The following IL4I1 variants were observed in gnomAD, a reference collection of about 807,000 sequenced individuals.
IL4I1 encodes the protein interleukin 4 induced 1.
IL4I1 carries 24 observed loss-of-function variants against 29.7 expected under a neutral mutation model. The ratio of observed to expected loss-of-function variants is 0.81; its 90% CI spans 0.59 to 1.14. The LOEUF is 1.14. Ranked by LOEUF, IL4I1 falls within the 50% of genes most tolerant of loss-of-function variation. The pLI, the probability that IL4I1 is intolerant of heterozygous loss-of-function variation, is 0.00. For synonymous variants in IL4I1, 371 were observed against 352.5 expected (o/e 1.05, Z -0.59); for missense variants, 686 against 785.6 (o/e 0.87, Z 1.52).
chr19:49,919,913 C>A (rs1193127544), intron 2 of IL4I1, among the ~76,000 whole-genome samples: 1 of 152,164 alleles, frequency 6.6e-6, no homozygotes, highest in East Asian at 1.9e-4. Flanking sequence ...TTCCCCTCTA[C>A]CTACTGCATT....
intron 2 of IL4I1, among the ~76,000 whole-genome samples, chr19:49,912,166 C>CTTTTTTT: frequency 8.7e-6 from 1 of 115,486 alleles, no homozygotes; most frequent in Non-Finnish European, 1.7e-5. Flanking sequence ...AACAGTTCAC[C>CTTTTTTT]TTTTTTTTTT....
At chr19:49,905,829 C>T (rs1004045129) in intron 2 of IL4I1, among the ~76,000 whole-genome samples, 3 of 152,312 alleles carry the variant, frequency 2.0e-5, no homozygotes, top group Non-Finnish European at 2.9e-5. Flanking sequence ...TCTCGAACTC[C>T]TGACCTCAGG....
Position 49,895,967 on chromosome 19 carries a change from C to G in IL4I1, c.100G>C (p.Glu34Gln). 1.9e-6 allele frequency: 3 copies of G among 1,614,170 alleles called. No individual in the cohort carries two copies. The highest frequency in any genetic ancestry group is 2.5e-6 in the Non-Finnish European group (3 of 1,180,024). The change falls in exon 3 of 8, where the codon GAG (glutamate) becomes CAG (glutamine). Residue 34 changes from glutamate (E) to glutamine (Q), a missense_variant. Transcript: ENST00000391826. The stretch of plus-strand genomic sequence containing the variant: ...TAGTCAGGATCCTGCATGCATTTCT[C>G]GAAGGGGTCTTGGCTGCGTTCAGCC... ...WKAERSQDPFEKCMQDPDYEQ... is the reference protein window; with the variant it reads ...WKAERSQDPFQKCMQDPDYEQ...
intron 1 of IL4I1, chr19:49,928,623 G>A (rs1600579798): frequency 2.0e-5 from 3 of 152,154 alleles, no homozygotes; most frequent in Admixed American, 1.3e-4. Flanking sequence ...CAGGCGAGTT[G>A]ATTTTTCTTA....
At chr19:49,909,533 A>G in intron 2 of IL4I1, 3 of 1,614,106 alleles carry the variant, frequency 1.9e-6, no homozygotes, top group Non-Finnish European at 2.5e-6. Context: ...TGAAGCACCG[A>G]TCCCCAAAGA....
intron 2 of IL4I1, among the ~76,000 whole-genome samples, chr19:49,925,933 G>C (rs1403369418): frequency 1.3e-5 from 2 of 152,066 alleles, no homozygotes; most frequent in Non-Finnish European, 2.9e-5. Context: ...TAACCCCCTT[G>C]GGTACGGTGG....
In IL4I1 at chr19:49,909,532, G is replaced by A. The variant is rs754025997; in HGVS notation, c.-227-5211C>T. 3.1e-5 allele frequency: 50 copies of A among 1,614,016 alleles called. No homozygotes were observed. The highest frequency in any genetic ancestry group is 4.0e-5 in the Non-Finnish European group (47 of 1,180,038). On this transcript the variant is annotated intron_variant, in intron 2 of 9. Transcript: ENST00000341114. ...TGCTCAAGTTGAGCTTTGAAGCACC[G>A]ATCCCCAAAGAAAATCCAGTTCCCC...
At chr19:49,926,595 A>G (rs1468081325) in intron 2 of IL4I1, among the ~76,000 whole-genome samples, 1 of 152,218 alleles carries the variant, frequency 6.6e-6, no homozygotes, top group Non-Finnish European at 1.5e-5. Flanking sequence ...CTTCGTAGGA[A>G]AAGATTCTAC....
chr19:49,928,618 G>A (rs2075972655), intron 1 of IL4I1: 1 of 152,158 alleles, frequency 6.6e-6, no homozygotes, highest in Non-Finnish European at 1.5e-5. Context: ...CCCACCAGGC[G>A]AGTTGATTTT....
rs1485424325 is a variant in IL4I1, at chr19:49,891,119, G to A, written c.637-12C>T. On this transcript the variant is annotated splice_polypyrimidine_tract_variant and intron_variant, in intron 6 of 7. Transcript: ENST00000391826. Reference sequence around the variant, plus strand: ...CCGAGAAGATATTCCTGCAGGTTGGGCACAGGCCGAGGTTAGGGCCCAGGC... The same window carrying A: ...CCGAGAAGATATTCCTGCAGGTTGGACACAGGCCGAGGTTAGGGCCCAGGC... 1.2e-6 allele frequency: 2 copies of A among 1,610,360 alleles called. No individual in the cohort carries two copies. Among genetic ancestry groups the A allele is most frequent in the South Asian group, 1.1e-5 (1 of 90,754 alleles).
intron 2 of IL4I1, among the ~76,000 whole-genome samples, chr19:49,923,337 G>C (rs141767459): frequency 6.6e-6 from 1 of 152,172 alleles, no homozygotes; most frequent in Admixed American, 6.5e-5. Context: ...TATCACATTC[G>C]CTGGCCTCTG....
chr19:49,896,722 C>G lies in IL4I1; in HGVS notation c.-23+113G>C, dbSNP rs3848551. The stretch of plus-strand genomic sequence containing the variant: ...GTGCTGGGATTCCAGGCATGAGCCC[C>G]CGCGCCCGGCCTCTTTTCCCTCTTC... On this transcript the variant is annotated intron_variant, in intron 1 of 7. Coordinates refer to ENST00000391826, the MANE Select transcript of IL4I1 (RefSeq NM_152899.2). The G allele has an allele frequency of 4.6e-6, 3 of 647,208 alleles. No homozygotes were observed. In the Admixed American group the frequency reaches 1.9e-4, roughly 41 times the overall value. The allele number at this position is 647,208 out of a possible 1,614,324, so 40.1% of individuals were successfully genotyped here.
At position 49,908,960 on chromosome 19, in the gene IL4I1, CTGGTGGTGG is replaced by C. The variant is rs746663980; in HGVS notation, c.-227-4648_-227-4640del. 6.3e-5 allele frequency: 101 copies of C among 1,605,878 alleles called. No homozygotes were observed. Among genetic ancestry groups the C allele is most frequent in the Non-Finnish European group, 8.3e-5 (97 of 1,175,382 alleles). ...GGCAAAGCCGGTGGTGCTGCTGCTG[CTGGTGGTGG>C]TGGCGGTGGCGGTGGCAGCGGTGGA... On this transcript the variant is annotated intron_variant, in intron 2 of 9. Transcript: ENST00000341114.
Position 49,891,041 on chromosome 19 carries a change from C to G in IL4I1, c.703G>C (p.Glu235Gln), listed in dbSNP as rs757696332. ...AVQLLGDVMS[E>Q]DGFFYLSFAE... ...AAGCTGAGATAGAAGAAGCCATCCT[C>G]GGACATCACGTCTCCCAGAAGCTGC... Residue 235 changes from glutamate (E) to glutamine (Q), a missense_variant, in exon 7 of 8, where the codon GAG becomes CAG. Physicochemically the swap from Glu to Gln is conservative, Grantham distance 29. Coordinates refer to ENST00000391826, the MANE Select transcript of IL4I1 (RefSeq NM_152899.2). 3.1e-6 allele frequency: 5 copies of G among 1,613,108 alleles called. No homozygotes were observed. In the Admixed American group the frequency reaches 8.3e-5, roughly 27 times the overall value.
chr19:49,892,623 G>A (rs1053301416), intron 5 of IL4I1, among the ~76,000 whole-genome samples: 3 of 152,144 alleles, frequency 2.0e-5, no homozygotes. Flanking sequence ...CACTTTGTTC[G>A]AATCTCACCC....
intron 2 of IL4I1, chr19:49,908,064 A>G: frequency 2.9e-6 from 4 of 1,384,242 alleles, no homozygotes; most frequent in Non-Finnish European, 2.9e-6. Flanking sequence ...CAGAAGGCCC[A>G]GAATACCCTC....
chr19:49,904,795 C>T (rs1339910156), intron 2 of IL4I1, among the ~76,000 whole-genome samples: 2 of 151,860 alleles, frequency 1.3e-5, no homozygotes, highest in Admixed American at 6.6e-5. Flanking sequence ...CTGTAAGCTC[C>T]GCCTCCCGGG....
chr19:49,909,163 G>A (rs779347531), intron 2 of IL4I1: 2 of 1,613,502 alleles, frequency 1.2e-6, no homozygotes, highest in Non-Finnish European at 1.7e-6. Context: ...GCCCAGTGCT[G>A]GTGATGGTGG....
intron 2 of IL4I1, among the ~76,000 whole-genome samples, chr19:49,906,413 T>C (rs2075324675): frequency 6.6e-6 from 1 of 152,172 alleles, no homozygotes; most frequent in Non-Finnish European, 1.5e-5. Context: ...GGTTTCACCA[T>C]GTTGCCCAGG....
Sources: gnomAD v4.1 joint callset for allele counts (sites outside exome capture counted in the v4.1 genomes callset) on GRCh38, gnomAD v4.1.1 for gene constraint, MANE v1.5 for transcripts, NCBI Gene and HGNC (gene_info 2026-07-23, HGNC 2026-07-21) for gene names.